The following RFTN2 variants were observed in gnomAD, a reference collection of about 807,000 sequenced individuals.
RFTN2 encodes raftlin-2.
In RFTN2, 34 loss-of-function variants were observed where a neutral mutation model predicts 52.7. The ratio of observed to expected loss-of-function variants is 0.64; its 90% CI spans 0.49 to 0.86. RFTN2 has a LOEUF of 0.86. Ranked by LOEUF, RFTN2 falls within the 40% of genes least tolerant of loss-of-function variation. RFTN2 has a pLI of 0.00. For synonymous variants in RFTN2, 203 were observed against 217.7 expected (o/e 0.93, Z 0.59); for missense variants, 536 against 600.1 (o/e 0.89, Z 1.12).
intron 1 of RFTN2, among the ~76,000 whole-genome samples, chr2:197,652,689 G>A (rs1432539490): frequency 6.6e-6 from 1 of 152,132 alleles, no homozygotes; most frequent in East Asian, 1.9e-4. Context: ...AATCAATGGT[G>A]TCTTAGAGTT....
chr2:197,629,636 C>T (rs1465996572), intron 5 of RFTN2, among the ~76,000 whole-genome samples: 1 of 150,366 alleles, frequency 6.7e-6, no homozygotes, highest in East Asian at 1.9e-4. Flanking sequence ...AAGAGGCTTC[C>T]AATAACCAAA....
chr2:197,610,613 T>C (rs1293371026), intron 7 of RFTN2, among the ~76,000 whole-genome samples: 1 of 152,238 alleles, frequency 6.6e-6, no homozygotes, highest in Non-Finnish European at 1.5e-5. Flanking sequence ...TTTCTTTCTC[T>C]TGCCTGATTG....
In RFTN2 at chr2:197,615,914, C is replaced by A. The variant is rs1407741861; in HGVS notation, c.1116G>T (p.Leu372=). 5.1e-6 allele frequency: 8 copies of A among 1,559,034 alleles called. No individual in the cohort carries two copies. Among genetic ancestry groups the A allele is most frequent in the Non-Finnish European group, 4.3e-6 (5 of 1,149,756 alleles). Residue 372 remains leucine, a synonymous_variant, in exon 7 of 9, where the codon CTG becomes CTT. Transcript: ENST00000295049. ...ATACAGGTGTGGGCAACACGCTTGT[C>A]AGAAGCCATCCGAATTCAGCCAGAG... ...LHTLAEFGWL[L]TSVLPTPVLR...
At chr2:197,647,284 A>T (rs1371005779) in intron 1 of RFTN2, among the ~76,000 whole-genome samples, 6 of 151,986 alleles carry the variant, frequency 3.9e-5, no homozygotes, top group Non-Finnish European at 8.8e-5. Context: ...GTGCAGTGGC[A>T]CAATCGTGGC....
intron 7 of RFTN2, among the ~76,000 whole-genome samples, chr2:197,608,957 T>C (rs1239759297): frequency 6.6e-6 from 1 of 152,218 alleles, no homozygotes; most frequent in African/African-American, 2.4e-5. Context: ...GCAAAGGACA[T>C]GAACTCATCC....
intron 1 of RFTN2, among the ~76,000 whole-genome samples, chr2:197,675,060 G>T (rs1416444553): frequency 2.0e-5 from 3 of 152,002 alleles, no homozygotes; most frequent in Admixed American, 6.6e-5. Context: ...CTATAAATAA[G>T]TATTTGATTT....
intron 8 of RFTN2, among the ~76,000 whole-genome samples, chr2:197,581,568 A>G (rs1168127218): frequency 2.6e-5 from 4 of 152,054 alleles, no homozygotes; most frequent in Non-Finnish European, 5.9e-5. Context: ...TATATCGATG[A>G]CCTTCTACTT....
intron 1 of RFTN2, among the ~76,000 whole-genome samples, chr2:197,671,530 A>T (rs1292919049): frequency 1.3e-5 from 2 of 152,272 alleles, no homozygotes; most frequent in Non-Finnish European, 2.9e-5. Context: ...TGGAGATGAT[A>T]TAATTCCTAA....
At chr2:197,606,088 G>A (rs1332287466) in intron 7 of RFTN2, among the ~76,000 whole-genome samples, 1 of 151,984 alleles carries the variant, frequency 6.6e-6, no homozygotes, top group African/African-American at 2.4e-5. Context: ...TATACTGTGT[G>A]GCCTTTTGGA....
At chr2:197,578,088 G>T (rs78060858) in intron 8 of RFTN2, among the ~76,000 whole-genome samples, 1 of 152,134 alleles carries the variant, frequency 6.6e-6, no homozygotes, top group African/African-American at 2.4e-5. Flanking sequence ...GAAGGTGGGG[G>T]TTCCTGGGGG....
intron 8 of RFTN2, among the ~76,000 whole-genome samples, chr2:197,594,135 G>A (rs1376771592): frequency 6.7e-6 from 1 of 148,894 alleles, no homozygotes; most frequent in Non-Finnish European, 1.5e-5. Context: ...CCTGCCTCAG[G>A]CTCCCAAGTA....
At chr2:197,617,485 C>G (rs906961178) in intron 6 of RFTN2, among the ~76,000 whole-genome samples, 5 of 151,906 alleles carry the variant, frequency 3.3e-5, no homozygotes, top group Middle Eastern at 3.2e-3. Flanking sequence ...TATATATAGC[C>G]TGGGCAACAT....
chr2:197,669,802 G>A (rs2089118901), intron 1 of RFTN2, among the ~76,000 whole-genome samples: 1 of 152,190 alleles, frequency 6.6e-6, no homozygotes, highest in Non-Finnish European at 1.5e-5. Context: ...GGGGACCCCT[G>A]CACTAGGGTA....
At chr2:197,646,804 C>T (rs1476013620) in intron 1 of RFTN2, 138 bp from the exon 2 acceptor site, 1 of 499,512 alleles carries the variant, frequency 2.0e-6, no homozygotes, top group Non-Finnish European at 3.2e-6. Context: ...AATCCCAGCA[C>T]TTTGGAAGGC....
intron 3 of RFTN2, among the ~76,000 whole-genome samples, chr2:197,641,833 C>G (rs975887915): frequency 1.2e-4 from 18 of 152,152 alleles, no homozygotes; most frequent in Non-Finnish European, 4.4e-5. Flanking sequence ...ATTTCATGTG[C>G]TATGTTTCCT....
intron 7 of RFTN2, among the ~76,000 whole-genome samples, chr2:197,610,703 G>C (rs2088042739): frequency 6.6e-6 from 1 of 152,274 alleles, no homozygotes; most frequent in African/African-American, 2.4e-5. Flanking sequence ...TTTTCAAAGG[G>C]AATGCTTCCA....
chr2:197,603,539 A>C (rs1343838397), intron 7 of RFTN2, among the ~76,000 whole-genome samples: 1 of 152,134 alleles, frequency 6.6e-6, no homozygotes, highest in Non-Finnish European at 1.5e-5. Flanking sequence ...CTGGTCTTGA[A>C]TTCCTGGGCC....
At chr2:197,619,898 A>G (rs1356661343) in intron 5 of RFTN2, among the ~76,000 whole-genome samples, 1 of 150,216 alleles carries the variant, frequency 6.7e-6, no homozygotes, top group African/African-American at 2.4e-5. Flanking sequence ...CTGAATTAAA[A>G]TCCAACTATA....
chr2:197,616,631 T>G (rs1156982651), intron 6 of RFTN2, among the ~76,000 whole-genome samples: 3 of 152,048 alleles, frequency 2.0e-5, no homozygotes, highest in African/African-American at 7.2e-5. Context: ...CGGATTTGGA[T>G]CCAAGAAGTT....
Sources: allele counts gnomAD v4.1 joint callset (sites outside exome capture counted in the v4.1 genomes callset), GRCh38; gene constraint gnomAD v4.1.1; transcripts MANE v1.5; gene names NCBI Gene and HGNC (gene_info 2026-07-23, HGNC 2026-07-21).